Variants in GRIP1 observed in about 807,000 individuals in gnomAD.
GRIP1 encodes the protein glutamate receptor interacting protein 1.
A neutral mutation model predicts 129.9 loss-of-function variants in GRIP1; 45 were observed. The observed-to-expected ratio is 0.35, with a 90% CI of 0.27 to 0.44. The LOEUF (loss-of-function observed/expected upper bound fraction) is 0.44. GRIP1 is among the 20% of genes least tolerant of loss of function. The pLI is 1.00. For missense variants in GRIP1, 1,196 were observed against 1,396.8 expected (o/e 0.86, Z 2.29); for synonymous variants, 530 against 520.8 (o/e 1.02, Z -0.24).
At chr12:66,697,347 G>A (rs2136336624) in intron 1 of GRIP1, among the ~76,000 whole-genome samples, 2 of 152,252 alleles carry the variant, frequency 1.3e-5, no homozygotes, top group East Asian at 3.9e-4. Context: ...GTTAATATGT[G>A]CAAAGCTTCC....
chr12:66,965,469 G>GGAAAAGGA (rs1482789686), intron 1 of GRIP1, among the ~76,000 whole-genome samples: 1 of 151,022 alleles, frequency 6.6e-6, no homozygotes, highest in Non-Finnish European at 1.5e-5. Context: ...CTCCAAAGAT[G>GGAAAAGGA]GAAAAGGAGG....
At chr12:66,763,578 G>A (rs1417953712) in intron 1 of GRIP1, among the ~76,000 whole-genome samples, 2 of 152,116 alleles carry the variant, frequency 1.3e-5, no homozygotes, top group Non-Finnish European at 2.9e-5. Flanking sequence ...CCCCACATGA[G>A]ATATTTCTTT....
At chr12:66,677,020 C>T (rs1292749049) in intron 1 of GRIP1, among the ~76,000 whole-genome samples, 2 of 152,108 alleles carry the variant, frequency 1.3e-5, no homozygotes, top group African/African-American at 4.8e-5. Context: ...CAAAGAAGAA[C>T]CCAATTATGG....
At chr12:66,798,935 T>C (rs2038779143) in intron 1 of GRIP1, among the ~76,000 whole-genome samples, 1 of 152,168 alleles carries the variant, frequency 6.6e-6, no homozygotes, top group Non-Finnish European at 1.5e-5. Flanking sequence ...AATTTATATG[T>C]AGATGATCCT....
At chr12:66,517,780 G>A in intron 6 of GRIP1, 121 bp downstream of exon 6, 1 of 694,248 alleles carries the variant, frequency 1.4e-6, no homozygotes, top group South Asian at 1.6e-5. Context: ...TTTTCACATT[G>A]TAACATGTTT....
Position 66,541,928 on chromosome 12 carries a change from G to T in GRIP1, c.159C>A (p.Val53=). 6.2e-7 allele frequency: 1 copy of T among 1,613,708 alleles called. No homozygotes were observed. Among genetic ancestry groups the T allele is most frequent in the Non-Finnish European group, 8.5e-7 (1 of 1,179,666 alleles). Reference sequence around the variant, plus strand: ...TGCCTTCCTTCTTCATCAGCTCGACGACTGTGGAGCCCTTGAATTCCTCTG... The same window carrying T: ...TGCCTTCCTTCTTCATCAGCTCGACTACTGTGGAGCCCTTGAATTCCTCTG... The part of the protein sequence containing the change: ...SIPEEFKGST[V]VELMKKEGTT... The change falls in exon 3 of 25, where the codon GTC becomes GTA. Residue 53 remains valine (V), a synonymous_variant. Transcript: ENST00000359742.
chr12:66,529,473 A>G (rs990192648), intron 5 of GRIP1, among the ~76,000 whole-genome samples: 3 of 152,238 alleles, frequency 2.0e-5, no homozygotes, highest in Non-Finnish European at 4.4e-5. Flanking sequence ...GGAATGAATT[A>G]ATGGAATTTG....
At chr12:66,414,253 A>G (rs2057504544) in intron 15 of GRIP1, among the ~76,000 whole-genome samples, 1 of 152,232 alleles carries the variant, frequency 6.6e-6, no homozygotes, top group Admixed American at 6.5e-5. Context: ...AAGTCTCCAC[A>G]TACAAAATCA....
intron 19 of GRIP1, among the ~76,000 whole-genome samples, chr12:66,379,884 C>T (rs927799434): frequency 6.6e-6 from 1 of 152,080 alleles, no homozygotes; most frequent in African/African-American, 2.4e-5. Flanking sequence ...ACTTTACAAA[C>T]AAAAGACATA....
At chr12:66,660,896 T>C (rs999659179) in intron 1 of GRIP1, among the ~76,000 whole-genome samples, 1 of 152,058 alleles carries the variant, frequency 6.6e-6, no homozygotes, top group Non-Finnish European at 1.5e-5. Context: ...TGTGTGTATA[T>C]ATTTATGTAT....
intron 19 of GRIP1, among the ~76,000 whole-genome samples, chr12:66,380,941 A>G (rs2056079244): frequency 6.6e-6 from 1 of 152,182 alleles, no homozygotes; most frequent in East Asian, 1.9e-4. Flanking sequence ...CCGCATTTTC[A>G]GGTACAGTTA....
chr12:66,678,545 C>A (rs138156508), intron 1 of GRIP1, among the ~76,000 whole-genome samples: 1 of 151,742 alleles, frequency 6.6e-6, no homozygotes, highest in African/African-American at 2.4e-5. Flanking sequence ...TGCAAAATGA[C>A]GGTTTCCCAC....
At chr12:66,455,364 C>T in intron 11 of GRIP1, 45 bp downstream of exon 11, 1 of 1,593,048 alleles carries the variant, frequency 6.3e-7, no homozygotes, top group Non-Finnish European at 8.6e-7. Context: ...CCATTGCCCA[C>T]AGGTTTTTTC....
At chr12:66,417,957 C>G (rs1288371701) in intron 15 of GRIP1, among the ~76,000 whole-genome samples, 1 of 151,942 alleles carries the variant, frequency 6.6e-6, no homozygotes, top group Non-Finnish European at 1.5e-5. Context: ...TATACTGAAC[C>G]ACAAAAGACC....
chr12:66,790,364 G>T (rs1483314484), intron 1 of GRIP1, among the ~76,000 whole-genome samples: 2 of 152,094 alleles, frequency 1.3e-5, no homozygotes, highest in Non-Finnish European at 2.9e-5. Context: ...TTTTAGCCTT[G>T]AGGCATCGTA....
intron 1 of GRIP1, among the ~76,000 whole-genome samples, chr12:66,901,403 C>T (rs2040841792): frequency 1.3e-5 from 2 of 152,226 alleles, no homozygotes; most frequent in African/African-American, 4.8e-5. Context: ...TCCGTGTGGA[C>T]ACATCTGGTG....
chr12:66,507,586 T>C lies in GRIP1; in HGVS notation c.724+8033A>G, dbSNP rs75659637. On this transcript the variant is annotated intron_variant, in intron 7 of 24. Transcript: ENST00000359742. ...AGTTGTGATAATGCCAATAAACCTA[T>C]AGTTTTTGACTGCAAGGGAGTTAAT... Among the ~76,000 whole-genome samples, 587 of 152,244 alleles carry C rather than the reference T, an allele frequency of 3.9e-3. 3 individuals are homozygous for C. Among genetic ancestry groups the C allele is most frequent in the Non-Finnish European group, 7.5e-3 (513 of 68,004 alleles).
At chr12:66,375,461 A>C (rs2055741039) in intron 22 of GRIP1, among the ~76,000 whole-genome samples, 1 of 152,210 alleles carries the variant, frequency 6.6e-6, no homozygotes, top group East Asian at 1.9e-4. Flanking sequence ...TCTAGCTCTA[A>C]TATTTTTTGT....
At chr12:66,444,196 T>C (rs1335365193) in intron 13 of GRIP1, among the ~76,000 whole-genome samples, 2 of 152,204 alleles carry the variant, frequency 1.3e-5, no homozygotes, top group Non-Finnish European at 2.9e-5. Context: ...TATAAAATAG[T>C]TTCCTCTTGG....
Sources: gnomAD v4.1 joint callset for allele counts (sites outside exome capture counted in the v4.1 genomes callset) on GRCh38, gnomAD v4.1.1 for gene constraint, MANE v1.5 for transcripts, NCBI Gene and HGNC (gene_info 2026-07-23, HGNC 2026-07-21) for gene names.